KRTAP24-1: variants seen among roughly 807,000 people sequenced by gnomAD.
KRTAP24-1 encodes the protein keratin-associated protein 24-1.
For missense variants in KRTAP24-1, 344 were observed against 303.2 expected (o/e 1.13, Z -1.00); for synonymous variants, 133 against 116.3 (o/e 1.14, Z -0.92).
rs911973340 is a variant in KRTAP24-1 at position 30,281,642 on chromosome 21, G to C, written c.*526C>G. 7 of 153,054 alleles carry C rather than the reference G, an allele frequency of 4.6e-5. No homozygotes were observed. Among genetic ancestry groups the C allele is most frequent in the African/African-American group, 1.7e-4 (7 of 41,446 alleles). The allele number at this position is 153,054 out of a possible 1,614,324, so 9.5% of individuals were successfully genotyped here. A position where few individuals can be genotyped will look rare whatever the true frequency, so the allele number is the denominator to read the frequency against. ...TTCTTACAATCAATCAGTAAGAAAA[G>C]GATGAAATAGTTCAACTTATTATGC... On this transcript the variant is annotated 3_prime_UTR_variant, in exon 1 of 1. Coordinates refer to ENST00000340345, the MANE Select transcript of KRTAP24-1 (RefSeq NM_001085455.3).
At position 30,282,671 on chromosome 21, in the gene KRTAP24-1, G is replaced by C; in HGVS notation, c.262C>G (p.Pro88Ala). Reference protein sequence around the residue: ...PKTCSTTGCDPSNSSVPCNSP... With the variant: ...PKTCSTTGCDASNSSVPCNSP... Reference sequence around the variant, plus strand: ...TTGCAGGGCACAGAGGAGTTTGACGGGTCACAACCAGTGGTACTGCAGGTC... The same window carrying C: ...TTGCAGGGCACAGAGGAGTTTGACGCGTCACAACCAGTGGTACTGCAGGTC... The change falls in exon 1 of 1, where the codon CCG becomes GCG. Residue 88 changes from proline (P) to alanine (A), a missense_variant. By Grantham distance (27) the Pro-to-Ala change is conservative (BLOSUM62 -1). Coordinates refer to ENST00000340345, the MANE Select transcript of KRTAP24-1 (RefSeq NM_001085455.3). 1 of 1,607,132 alleles carries C rather than the reference G, an allele frequency of 6.2e-7. No homozygotes were observed. Among genetic ancestry groups the C allele is most frequent in the South Asian group, 1.1e-5 (1 of 89,518 alleles).
chr21:30,281,737 A>G lies in KRTAP24-1; in HGVS notation c.*431T>C, dbSNP rs2123270621. The G allele has an allele frequency of 6.0e-6, 1 of 165,790 alleles. No individual in the cohort carries two copies. The highest frequency in any genetic ancestry group is 1.8e-4 in the East Asian group (1 of 5,672). The allele number at this position is 165,790 out of a possible 1,614,324, so 10.3% of individuals were successfully genotyped here. On this transcript the variant is annotated 3_prime_UTR_variant, in exon 1 of 1. Coordinates refer to ENST00000340345, the MANE Select transcript of KRTAP24-1 (RefSeq NM_001085455.3). ...GGTAGTTGACAAAAATATTAATGAC[A>G]ATCAAAGCCATCCGAATGAATTTGC... is the stretch of plus-strand genomic sequence containing the variant.
chr21:30,282,073 G>T lies in KRTAP24-1; in HGVS notation c.*95C>A. 1 of 1,239,190 alleles carries T rather than the reference G, an allele frequency of 8.1e-7. No individual in the cohort carries two copies. The highest frequency in any genetic ancestry group is 1.5e-5 in the South Asian group (1 of 68,440). 76.8% of individuals were successfully genotyped at this position (1,239,190 alleles called of 1,614,324 possible). On this transcript the variant is annotated 3_prime_UTR_variant, in exon 1 of 1. Transcript: ENST00000340345. ...CTTAATGTAACAAGATTCTTAGGCT[G>T]AATAAAGAGATTCAGCAGAAAATTA...
Position 30,282,854 on chromosome 21 carries a change from G to A in KRTAP24-1, c.79C>T (p.Pro27Ser). Residue 27 changes from proline (P) to serine (S), a missense_variant, in exon 1 of 1, where the codon CCA (proline) becomes TCA (serine). Pro to Ser is a moderately conservative substitution (Grantham distance 74). Coordinates refer to ENST00000340345, the MANE Select transcript of KRTAP24-1 (RefSeq NM_001085455.3). ...TTSYRTHCYI[P>S]VTSSVTLSSS... is the part of the protein sequence containing the mutation. ...CTAAGAGTAACAGAAGAGGTCACTG[G>A]GATATAACAGTGAGTTCTGTATGAT... 6.2e-7 allele frequency: 1 copy of A among 1,612,358 alleles called. No individual in the cohort carries two copies. Among genetic ancestry groups the A allele is most frequent in the Middle Eastern group, 1.7e-4 (1 of 6,058 alleles).
At position 30,282,394 on chromosome 21, in the gene KRTAP24-1, T is replaced by C; in HGVS notation, c.539A>G (p.Asn180Ser). ...GACGTAGCTGGGTATGAAGCAAGGATTTTGGTAGCTTTTATACCCCAAAGT... is the reference window on the plus strand; with the variant it reads ...GACGTAGCTGGGTATGAAGCAAGGACTTTGGTAGCTTTTATACCCCAAAGT... ...LSTLGYKSYQ[N>S]PCFIPSYVSP... Residue 180 changes from asparagine to serine, a missense_variant, in exon 1 of 1, where the codon AAT becomes AGT. Coordinates refer to ENST00000340345, the MANE Select transcript of KRTAP24-1 (RefSeq NM_001085455.3). The C allele has an allele frequency of 6.2e-7, 1 of 1,614,124 alleles. No individual in the cohort carries two copies. Among genetic ancestry groups the C allele is most frequent in the Non-Finnish European group, 8.5e-7 (1 of 1,179,998 alleles).
chr21:30,281,953 C>T lies in KRTAP24-1; in HGVS notation c.*215G>A, dbSNP rs1169087286. 3.8e-6 allele frequency: 2 copies of T among 529,126 alleles called. No homozygotes were observed. Among genetic ancestry groups the T allele is most frequent in the Admixed American group, 7.2e-5 (2 of 27,926 alleles). The allele number at this position is 529,126 out of a possible 1,614,324, so 32.8% of individuals were successfully genotyped here. A position where few individuals can be genotyped will look rare whatever the true frequency, so the allele number is the denominator to read the frequency against. On this transcript the variant is annotated 3_prime_UTR_variant, in exon 1 of 1. Coordinates refer to ENST00000340345, the MANE Select transcript of KRTAP24-1 (RefSeq NM_001085455.3). ...ATAATGATGTTACCTTCAGGGTCAG[C>T]TTTTAGTACAAAGAGCAATAACAGA... is the stretch of plus-strand genomic sequence containing the variant.
chr21:30,281,935 T>C lies in KRTAP24-1; in HGVS notation c.*233A>G. The C allele has an allele frequency of 2.1e-6, 1 of 486,170 alleles. No homozygotes were observed. Among genetic ancestry groups the C allele is most frequent in the East Asian group, 3.3e-5 (1 of 30,338 alleles). The allele number at this position is 486,170 out of a possible 1,614,324, so 30.1% of individuals were successfully genotyped here. A position where few individuals can be genotyped will look rare whatever the true frequency, so the allele number is the denominator to read the frequency against. ...TTGTAATAAATCTCAGAAATAATGA[T>C]GTTACCTTCAGGGTCAGCTTTTAGT... On this transcript the variant is annotated 3_prime_UTR_variant, in exon 1 of 1. Transcript: ENST00000340345.
rs754482263 is a variant in KRTAP24-1, at chr21:30,282,629, G to C, written c.304C>G (p.Gln102Glu). 6.3e-7 allele frequency: 1 copy of C among 1,589,672 alleles called. No individual in the cohort carries two copies. The highest frequency in any genetic ancestry group is 1.2e-5 in the South Asian group (1 of 85,564). Reference sequence around the variant, plus strand: ...GTAGTTTCACAGACACTGAAGACTTGGCCTGCTGATGGGGAGTTGCAGGGC... The same window carrying C: ...GTAGTTTCACAGACACTGAAGACTTCGCCTGCTGATGGGGAGTTGCAGGGC... The part of the protein sequence containing the change: ...SVPCNSPSAG[Q>E]VFSVCETTNV... Residue 102 changes from glutamine to glutamate, a missense_variant, in exon 1 of 1, where the codon CAA (glutamine) becomes GAA (glutamate). By Grantham distance (29) the Gln-to-Glu change is conservative (BLOSUM62 2). Coordinates refer to ENST00000340345, the MANE Select transcript of KRTAP24-1 (RefSeq NM_001085455.3).
At position 30,281,583 on chromosome 21, in the gene KRTAP24-1, T is replaced by C. The variant is rs1980702345; in HGVS notation, c.*585A>G. The C allele has an allele frequency of 6.6e-6, 1 of 152,316 alleles. No homozygotes were observed. Among genetic ancestry groups the C allele is most frequent in the South Asian group, 2.1e-4 (1 of 4,838 alleles). 9.4% of individuals were successfully genotyped at this position (152,316 alleles called of 1,614,324 possible). A position where few individuals can be genotyped will look rare whatever the true frequency, so the allele number is the denominator to read the frequency against. On this transcript the variant is annotated 3_prime_UTR_variant, in exon 1 of 1. Coordinates refer to ENST00000340345, the MANE Select transcript of KRTAP24-1 (RefSeq NM_001085455.3). Reference sequence around the variant, plus strand: ...AGAGAAGATTTGCTGAAGTCTTCTATTTTTGAGCTCTAGTCACCATTGCTA... The same window carrying C: ...AGAGAAGATTTGCTGAAGTCTTCTACTTTTGAGCTCTAGTCACCATTGCTA...
rs758828438 is a variant in KRTAP24-1 at position 30,282,707 on chromosome 21, A to G, written c.226T>C (p.Cys76Arg). Residue 76 changes from cysteine (C) to arginine (R), a missense_variant, in exon 1 of 1, where the codon TGT becomes CGT. Coordinates refer to ENST00000340345, the MANE Select transcript of KRTAP24-1 (RefSeq NM_001085455.3). ...GTGGTACTGCAGGTCTTGGGCTCAC[A>G]GCTGGGAGATTTGCAGGTTGGTGCT... ...GEAPTCKSPS[C>R]EPKTCSTTGC... 5 of 1,613,608 alleles carry G rather than the reference A, an allele frequency of 3.1e-6. No individual in the cohort carries two copies. The Admixed American group carries it at 6.7e-5, about 22-fold the overall frequency.
chr21:30,282,013 G>T lies in KRTAP24-1; in HGVS notation c.*155C>A, dbSNP rs112489046. 3 of 732,066 alleles carry T rather than the reference G, an allele frequency of 4.1e-6. No individual in the cohort carries two copies. Among genetic ancestry groups the T allele is most frequent in the African/African-American group, 3.5e-5 (2 of 56,842 alleles). The allele number at this position is 732,066 out of a possible 1,614,324, so 45.3% of individuals were successfully genotyped here. On this transcript the variant is annotated 3_prime_UTR_variant, in exon 1 of 1. Coordinates refer to ENST00000340345, the MANE Select transcript of KRTAP24-1 (RefSeq NM_001085455.3). ...AAAAGAAAACCTAGCAGGTGATACT[G>T]GCTGTGGTTAATAAACCTGGGAGTT...
chr21:30,282,456 G>T lies in KRTAP24-1; in HGVS notation c.477C>A (p.Ser159=), dbSNP rs753639366. ...AGTGGTTTAGAGTTTGGAAACTCTT[G>T]GATAAGCAGTTAAGTTGTCCAAAGC... is the stretch of plus-strand genomic sequence containing the variant. ...SNCFGQLNCL[S]KSFQTLNHCR... Residue 159 remains serine (S), a synonymous_variant, in exon 1 of 1, where the codon TCC becomes TCA. Transcript: ENST00000340345. 1.2e-6 allele frequency: 2 copies of T among 1,614,022 alleles called. No individual in the cohort carries two copies. Among genetic ancestry groups the T allele is most frequent in the Non-Finnish European group, 1.7e-6 (2 of 1,180,004 alleles).
chr21:30,282,629 G>A, the KRTAP24-1 span: 1 of 1,589,672 alleles, frequency 6.3e-7, no homozygotes, highest in Non-Finnish European at 8.6e-7. Context: ...CTGAAGACTT[G>A]GCCTGCTGAT....
rs530981089 is a variant in KRTAP24-1 at position 30,282,102 on chromosome 21, G to A, written c.*66C>T. On this transcript the variant is annotated 3_prime_UTR_variant, in exon 1 of 1. Transcript: ENST00000340345. ...AAAGAGATTCAGCAGAAAATTAGACGTTCTAGTACTTAGTAGAATCTTCCC... is the reference window on the plus strand; with the variant it reads ...AAAGAGATTCAGCAGAAAATTAGACATTCTAGTACTTAGTAGAATCTTCCC... The A allele has an allele frequency of 2.0e-5, 29 of 1,441,358 alleles. No individual in the cohort carries two copies. In the South Asian group the frequency reaches 2.4e-4, roughly 12 times the overall value. The allele number at this position is 1,441,358 out of a possible 1,614,324, so 89.3% of individuals were successfully genotyped here.
chr21:30,282,893 C>A lies in KRTAP24-1; in HGVS notation c.40G>T (p.Val14Phe). ...GTTCTGTATGATGTGGTACTGCAGA[C>A]CCCAGGATAGCCTGTAGTAGACATG... ...GSMSTTGYPG[V>F]CSTTSYRTHC... The change falls in exon 1 of 1, where the codon GTC (valine) becomes TTC (phenylalanine). Residue 14 changes from valine to phenylalanine, a missense_variant. Physicochemically the swap from Val to Phe is conservative, Grantham distance 50. Coordinates refer to ENST00000340345, the MANE Select transcript of KRTAP24-1 (RefSeq NM_001085455.3). 8.7e-6 allele frequency: 14 copies of A among 1,613,220 alleles called. No individual in the cohort carries two copies. Among genetic ancestry groups the A allele is most frequent in the Non-Finnish European group, 1.2e-5 (14 of 1,179,566 alleles).
chr21:30,281,892 G>A lies in KRTAP24-1; in HGVS notation c.*276C>T, dbSNP rs1008156496. The A allele has an allele frequency of 1.8e-5, 6 of 324,576 alleles. No individual in the cohort carries two copies. The highest frequency in any genetic ancestry group is 3.3e-5 in the Non-Finnish European group (6 of 179,204). The allele number at this position is 324,576 out of a possible 1,614,324, so 20.1% of individuals were successfully genotyped here. On this transcript the variant is annotated 3_prime_UTR_variant, in exon 1 of 1. Coordinates refer to ENST00000340345, the MANE Select transcript of KRTAP24-1 (RefSeq NM_001085455.3). ...CGGTGATGGTTGTATTTCAAATGGA[G>A]TCTCTTCGGTAAGTCCATTGTAATA...
chr21:30,281,440 A>G lies in KRTAP24-1; in HGVS notation c.*728T>C, dbSNP rs565705751. On this transcript the variant is annotated 3_prime_UTR_variant, in exon 1 of 1. Coordinates refer to ENST00000340345, the MANE Select transcript of KRTAP24-1 (RefSeq NM_001085455.3). The stretch of plus-strand genomic sequence containing the variant: ...CACATAATTGTAAAGGGTCTCTAAC[A>G]GTATTTGTTCTTCTTTCAACAAATA... 6.6e-6 allele frequency: 1 copy of G among 152,378 alleles called. No homozygotes were observed. The highest frequency in any genetic ancestry group is 1.9e-4 in the East Asian group (1 of 5,188). The allele number at this position is 152,378 out of a possible 1,614,324, so 9.4% of individuals were successfully genotyped here.
rs1436033007 is a variant in KRTAP24-1 at position 30,282,940 on chromosome 21, G to C, written c.-8C>G. On this transcript the variant is annotated 5_prime_UTR_variant, in exon 1 of 1. Transcript: ENST00000340345. ...CATGGAGCCTGCAGGCATGCTCAGT[G>C]GTCGCTGTGCAGTGTGTCTGTGGCC... 6.2e-7 allele frequency: 1 copy of C among 1,600,644 alleles called. No homozygotes were observed. The highest frequency in any genetic ancestry group is 8.5e-7 in the Non-Finnish European group (1 of 1,173,200).
In KRTAP24-1 at chr21:30,281,530, G is replaced by A. The variant is rs1358973589; in HGVS notation, c.*638C>T. 1.3e-5 allele frequency: 2 copies of A among 152,256 alleles called. No homozygotes were observed. The highest frequency in any genetic ancestry group is 1.5e-5 in the Non-Finnish European group (1 of 68,076). The allele number at this position is 152,256 out of a possible 1,614,324, so 9.4% of individuals were successfully genotyped here. A position where few individuals can be genotyped will look rare whatever the true frequency, so the allele number is the denominator to read the frequency against. ...CATGGAGAACAAAAGCTGAGTACCA[G>A]TGAATCTTGTTTTATGGCTTCTCTG... is the stretch of plus-strand genomic sequence containing the variant. On this transcript the variant is annotated 3_prime_UTR_variant, in exon 1 of 1. Coordinates refer to ENST00000340345, the MANE Select transcript of KRTAP24-1 (RefSeq NM_001085455.3).
Sources: allele counts gnomAD v4.1 joint callset, GRCh38; gene constraint gnomAD v4.1.1; transcripts MANE v1.5; gene names NCBI Gene and HGNC (gene_info 2026-07-23, HGNC 2026-07-21).